SUPT3H: variants seen among roughly 807,000 people sequenced by gnomAD.
SUPT3H encodes the protein SPT3 homolog, SAGA and STAGA complex component, also known as transcription initiation protein SPT3 homolog.
A neutral mutation model predicts 44.3 loss-of-function variants in SUPT3H; 44 were observed. The ratio of observed to expected loss-of-function variants is 0.99; its 90% CI spans 0.78 to 1.28. The LOEUF (loss-of-function observed/expected upper bound fraction) is 1.28. SUPT3H is among the 50% of genes most tolerant of loss of function. The pLI, the probability that SUPT3H is intolerant of heterozygous loss-of-function variation, is 0.00. For synonymous variants in SUPT3H, 124 were observed against 125.6 expected, an observed-to-expected ratio of 0.99 and a Z score of 0.09; for missense variants, 380 against 387.1, an observed-to-expected ratio of 0.98 and a Z score of 0.15.
chr6:45,373,678 G>A (rs1391668839), intron 1 of SUPT3H, among the ~76,000 whole-genome samples: 1 of 152,118 alleles, frequency 6.6e-6, no homozygotes. Flanking sequence ...AGCCTCCTGA[G>A]TACCTGGGAC....
chr6:45,363,424 T>A (rs1340277612), intron 2 of SUPT3H, among the ~76,000 whole-genome samples: 1 of 152,140 alleles, frequency 6.6e-6, no homozygotes, highest in Non-Finnish European at 1.5e-5. Flanking sequence ...AAAGGTTAAA[T>A]AAGACTGGAA....
intron 10 of SUPT3H, among the ~76,000 whole-genome samples, chr6:44,887,416 G>A (rs1421938992): frequency 6.6e-6 from 1 of 152,090 alleles, no homozygotes; most frequent in Non-Finnish European, 1.5e-5. Context: ...ATAACAAACT[G>A]TCTCTCAGAC....
rs554542803 is a variant in SUPT3H, at chr6:45,093,841, C to T, written c.186+12081G>A. ...GCTTACTAGTTGTTGAGTAGATTCA[C>T]ATAGAAAAAAACCTAATATGATTTT... On this transcript the variant is annotated intron_variant, in intron 3 of 10. Coordinates refer to ENST00000371459, the MANE Select transcript of SUPT3H (RefSeq NM_003599.4). Among the ~76,000 whole-genome samples, 18 of 152,004 alleles carry T rather than the reference C, an allele frequency of 1.2e-4. No homozygotes were observed. The East Asian group carries it at 3.5e-3, about 29-fold the overall frequency.
At chr6:44,871,191 G>T (rs1776400729) in intron 10 of SUPT3H, among the ~76,000 whole-genome samples, 1 of 148,012 alleles carries the variant, frequency 6.8e-6, no homozygotes, top group Non-Finnish European at 1.5e-5. Flanking sequence ...CACCTCTGGG[G>T]GCAGGGCACA....
In SUPT3H at chr6:45,241,155, C is replaced by T. The variant is rs569793774; in HGVS notation, c.101+124046G>A. Among the ~76,000 whole-genome samples, 184 of 152,258 alleles carry T rather than the reference C, an allele frequency of 1.2e-3. 2 individuals carry two copies. Among genetic ancestry groups the T allele is most frequent in the Middle Eastern group, 3.4e-3 (1 of 294 alleles). ...AAGTAGCTCACCGTGACAAAGCTGC[C>T]TTTGTTTTTATCACTTTGTGAAACA... On this transcript the variant is annotated intron_variant, in intron 2 of 10. Transcript: ENST00000371459.
chr6:44,961,300 G>C (rs2153477569), intron 7 of SUPT3H, among the ~76,000 whole-genome samples: 1 of 152,258 alleles, frequency 6.6e-6, no homozygotes, highest in East Asian at 1.9e-4. Flanking sequence ...AAATGGAAGA[G>C]ACCAGTGATA....
intron 3 of SUPT3H, among the ~76,000 whole-genome samples, chr6:45,055,231 A>C (rs770052213): frequency 6.6e-6 from 1 of 152,150 alleles, no homozygotes; most frequent in Non-Finnish European, 1.5e-5. Context: ...GTATTGTGAA[A>C]ATGACCATAC....
At chr6:45,199,486 T>TG (rs1475421745) in intron 2 of SUPT3H, among the ~76,000 whole-genome samples, 24 of 149,834 alleles carry the variant, frequency 1.6e-4, no homozygotes, top group African/African-American at 5.8e-4. Flanking sequence ...CTTCTTACAG[T>TG]GAAAAAAAAA....
At chr6:44,992,760 T>A (rs978457434) in intron 6 of SUPT3H, among the ~76,000 whole-genome samples, 1 of 152,134 alleles carries the variant, frequency 6.6e-6, no homozygotes, top group African/African-American at 2.4e-5. Flanking sequence ...GGAATGGTAC[T>A]AATATTGTTT....
At chr6:45,169,780 T>C (rs1488914670) in intron 2 of SUPT3H, among the ~76,000 whole-genome samples, 1 of 152,214 alleles carries the variant, frequency 6.6e-6, no homozygotes, top group East Asian at 1.9e-4. Context: ...AACAGTAATA[T>C]GTTTAAAATC....
downstream of SUPT3H, among the ~76,000 whole-genome samples, chr6:44,809,107 C>A (rs1440978688): frequency 6.6e-6 from 1 of 152,196 alleles, no homozygotes; most frequent in Non-Finnish European, 1.5e-5. Context: ...ACTCAATCTT[C>A]TTACTTAAAA....
At chr6:45,147,942 A>T (rs1298139858) in intron 2 of SUPT3H, among the ~76,000 whole-genome samples, 1 of 152,190 alleles carries the variant, frequency 6.6e-6, no homozygotes, top group African/African-American at 2.4e-5. Flanking sequence ...TTAATAAATA[A>T]ATTGATGATT....
intron 2 of SUPT3H, among the ~76,000 whole-genome samples, chr6:45,255,683 A>C (rs552054697): frequency 1.8e-4 from 27 of 152,178 alleles, no homozygotes; most frequent in Admixed American, 1.6e-3. Flanking sequence ...TCACCCTCCC[A>C]AAGTGGTTGG....
At position 45,118,665 on chromosome 6, in the gene SUPT3H, C is replaced by T. The variant is rs73737899; in HGVS notation, c.102-12659G>A. The stretch of plus-strand genomic sequence containing the variant: ...GTTTCTTCTTCCATTCAGCCAATGC[C>T]TTCCAAACTTAGTTCGAGGGGTACG... On this transcript the variant is annotated intron_variant, in intron 2 of 10. Coordinates refer to ENST00000371459, the MANE Select transcript of SUPT3H (RefSeq NM_003599.4). Among the ~76,000 whole-genome samples, 596 of 152,226 alleles carry T rather than the reference C, an allele frequency of 3.9e-3. 7 individuals carry two copies. Among genetic ancestry groups the T allele is most frequent in the African/African-American group, 0.014 (568 of 41,536 alleles).
intron 2 of SUPT3H, among the ~76,000 whole-genome samples, chr6:45,226,534 T>A (rs1292412774): frequency 6.6e-6 from 1 of 151,914 alleles, no homozygotes; most frequent in African/African-American, 2.4e-5. Context: ...AAGACCCCCA[T>A]CTCTACAAAA....
intron 9 of SUPT3H, among the ~76,000 whole-genome samples, chr6:44,951,235 GTTT>G (rs74728368): frequency 7.3e-6 from 1 of 136,674 alleles, no homozygotes. Context: ...ACTAGAGAAG[GTTT>G]TTTTTTTTTT....
At chr6:44,989,611 C>G (rs974202947) in intron 6 of SUPT3H, among the ~76,000 whole-genome samples, 5 of 152,064 alleles carry the variant, frequency 3.3e-5, no homozygotes, top group Non-Finnish European at 5.9e-5. Flanking sequence ...ACCAAACTTC[C>G]TTTCCCACAA....
chr6:45,103,841 A>G (rs974628786), intron 3 of SUPT3H, among the ~76,000 whole-genome samples: 4 of 152,196 alleles, frequency 2.6e-5, no homozygotes, highest in Admixed American at 6.5e-5. Flanking sequence ...AGCAGCCAGA[A>G]AAAAACTACA....
rs546120153 is a variant in SUPT3H, at chr6:45,350,293, G to C, written c.101+14908C>G. 6.2e-4 allele frequency among the ~76,000 whole-genome samples: 95 copies of C among 152,306 alleles called. 1 individual carries two copies. Among genetic ancestry groups the C allele is most frequent in the South Asian group, 1.2e-3 (6 of 4,820 alleles). On this transcript the variant is annotated intron_variant, in intron 2 of 10. Coordinates refer to ENST00000371459, the MANE Select transcript of SUPT3H (RefSeq NM_003599.4). ...GTGAATGAATAAACAAAAAACATTT[G>C]TATATAATAATCTTCTAGATTAAAT...
Sources: gnomAD v4.1 joint callset for allele counts (sites outside exome capture counted in the v4.1 genomes callset) on GRCh38, gnomAD v4.1.1 for gene constraint, MANE v1.5 for transcripts, NCBI Gene and HGNC (gene_info 2026-07-23, HGNC 2026-07-21) for gene names.